The following PTGER4 variants were observed in gnomAD, a reference collection of about 807,000 sequenced individuals.
PTGER4 encodes prostaglandin E2 receptor EP4 subtype.
A neutral mutation model predicts 33.2 loss-of-function variants in PTGER4; 11 were observed. That is an observed-to-expected ratio of 0.33 (90% CI 0.21 to 0.55). PTGER4 has a LOEUF of 0.55. Ranked by LOEUF, PTGER4 falls within the 20% of genes least tolerant of loss-of-function variation. The pLI, the probability that PTGER4 is intolerant of heterozygous loss-of-function variation, is 0.92. For synonymous variants in PTGER4, 275 were observed against 281.5 expected, an observed-to-expected ratio of 0.98 and a Z score of 0.23; for missense variants, 481 against 650.2, an observed-to-expected ratio of 0.74 and a Z score of 2.83.
chr5:40,722,656 G>GT, the PTGER4 span, among the ~76,000 whole-genome samples: 1 of 151,286 alleles, frequency 6.6e-6, no homozygotes, highest in Non-Finnish European at 1.5e-5. Flanking sequence ...GAAGTGAGGC[G>GT]TGTCTCCGCC....
chr5:40,690,875 C>T (rs191726056), intron 2 of PTGER4, among the ~76,000 whole-genome samples: 406 of 152,252 alleles, frequency 2.7e-3, no homozygotes, highest in African/African-American at 9.3e-3. Flanking sequence ...CTCAAGAACA[C>T]TTTATACATA....
chr5:40,710,381 C>T, the PTGER4 span, among the ~76,000 whole-genome samples: 2 of 152,158 alleles, frequency 1.3e-5, no homozygotes, highest in East Asian at 3.8e-4. Context: ...AGTGAGATAC[C>T]ATCTAACACC....
downstream of PTGER4, among the ~76,000 whole-genome samples, chr5:40,697,551 C>T (rs1031396608): frequency 7.1e-6 from 1 of 139,900 alleles, no homozygotes; most frequent in African/African-American, 2.6e-5. Context: ...TGCCATTGCA[C>T]TCTAGCCTGG....
chr5:40,707,481 C>A, the PTGER4 span, among the ~76,000 whole-genome samples: 1 of 152,180 alleles, frequency 6.6e-6, no homozygotes, highest in African/African-American at 2.4e-5. Flanking sequence ...AAAGAGCTAA[C>A]TATCCTAAAT....
chr5:40,694,693 T>TCA (rs1427806275), downstream of PTGER4, among the ~76,000 whole-genome samples: 11 of 152,288 alleles, frequency 7.2e-5, no homozygotes, highest in African/African-American at 2.4e-4. Flanking sequence ...CCTTAATTAC[T>TCA]CTCTTAAAGG....
chr5:40,717,897 C>T, the PTGER4 span, among the ~76,000 whole-genome samples: 2 of 151,964 alleles, frequency 1.3e-5, no homozygotes, highest in Non-Finnish European at 2.9e-5. Flanking sequence ...CCCGTCTCTA[C>T]TAAAAATACA....
At chr5:40,710,030 T>A in the PTGER4 span, among the ~76,000 whole-genome samples, 1 of 152,116 alleles carries the variant, frequency 6.6e-6, no homozygotes, top group South Asian at 2.1e-4. Context: ...GGACTTCATG[T>A]CTAAAACACC....
At chr5:40,738,237 C>A in the PTGER4 span, among the ~76,000 whole-genome samples, 15 of 151,842 alleles carry the variant, frequency 9.9e-5, no homozygotes, top group African/African-American at 3.6e-4. Context: ...GACGGTGAAA[C>A]CCTGTCTCTA....
the PTGER4 span, chr5:40,714,935 T>C: frequency 2.0e-5 from 3 of 152,136 alleles, no homozygotes; most frequent in Non-Finnish European, 4.4e-5. Flanking sequence ...TTCTATATTA[T>C]TGTACTACAA....
At chr5:40,687,769 T>G (rs955890463) in intron 2 of PTGER4, among the ~76,000 whole-genome samples, 1 of 152,230 alleles carries the variant, frequency 6.6e-6, no homozygotes, top group Non-Finnish European at 1.5e-5. Context: ...CTTTTTAAAC[T>G]CATACTTTTA....
chr5:40,743,870 T>C, the PTGER4 span, among the ~76,000 whole-genome samples: 52,163 of 152,190 alleles, frequency 0.34, 10,050 homozygotes, highest in Admixed American at 0.45. Context: ...TGTTATAGTG[T>C]TCTCCATCCA....
rs1006251317 is a variant in PTGER4 at position 40,691,114 on chromosome 5, G to A, written c.868-665G>A. On this transcript the variant is annotated intron_variant, in intron 2 of 2. Coordinates refer to ENST00000302472, the MANE Select transcript of PTGER4 (RefSeq NM_000958.3). This position sits in a 1 kb window ranked among gnomAD's most constrained non-coding sequence, Gnocchi z 4.2. ...CAGCTCACTGCAACCTCCACCCGCC[G>A]CATTCAAGCCATTCTCCTGCCTCAC... Among the ~76,000 whole-genome samples the A allele has an allele frequency of 6.6e-6, 1 of 151,794 alleles. No individual in the cohort carries two copies. The highest frequency in any genetic ancestry group is 1.5e-5 in the Non-Finnish European group (1 of 67,950).
At position 40,693,730 on chromosome 5, in the gene PTGER4, A is replaced by G. The variant is rs1741526761; in HGVS notation, c.*1352A>G. The stretch of plus-strand genomic sequence containing the variant: ...TTTGGAGATTATAATAAATATATAC[A>G]TTCAATCTGAGTTGCATATCCTCAG... On this transcript the variant is annotated 3_prime_UTR_variant, in exon 3 of 3. Transcript: ENST00000302472. 2.0e-6 allele frequency: 2 copies of G among 979,132 alleles called. No homozygotes were observed. Among genetic ancestry groups the G allele is most frequent in the Middle Eastern group, 1.0e-3 (2 of 1,922 alleles). 60.7% of individuals were successfully genotyped at this position (979,132 alleles called of 1,614,324 possible).
chr5:40,695,144 C>T (rs1157471884), downstream of PTGER4, among the ~76,000 whole-genome samples: 1 of 152,200 alleles, frequency 6.6e-6, no homozygotes, highest in African/African-American at 2.4e-5. Flanking sequence ...GGTACAGTGG[C>T]TCACACCTGT....
chr5:40,685,482 G>C, intron 2 of PTGER4: 1 of 984,064 alleles, frequency 1.0e-6, no homozygotes. Context: ...CCACAAATTT[G>C]GGTATGACTA....
chr5:40,731,384 G>T, the PTGER4 span, among the ~76,000 whole-genome samples: 1 of 151,448 alleles, frequency 6.6e-6, no homozygotes, highest in Non-Finnish European at 1.5e-5. Flanking sequence ...ACACACATCT[G>T]TATTAGTTCA....
At chr5:40,738,216 A>AGGCT in the PTGER4 span, among the ~76,000 whole-genome samples, 2 of 152,000 alleles carry the variant, frequency 1.3e-5, no homozygotes, top group Non-Finnish European at 2.9e-5. Context: ...GTTTGAGATC[A>AGGCT]GGCTGGCCAA....
the PTGER4 span, among the ~76,000 whole-genome samples, chr5:40,726,999 G>A: frequency 6.6e-6 from 1 of 152,050 alleles, no homozygotes; most frequent in Non-Finnish European, 1.5e-5. Flanking sequence ...GGTTAAAATG[G>A]TTTCTATCAC....
chr5:40,709,557 T>C, the PTGER4 span, among the ~76,000 whole-genome samples: 16 of 152,308 alleles, frequency 1.1e-4, no homozygotes, highest in African/African-American at 3.6e-4. Flanking sequence ...TGGAAGAACA[T>C]TCCATGCTCA....
Sources: gnomAD v4.1 joint callset for allele counts (sites outside exome capture counted in the v4.1 genomes callset) on GRCh38, gnomAD v4.1.1 for gene constraint, Gnocchi (gnomAD v3.1) non-coding constraint, MANE v1.5 for transcripts, NCBI Gene and HGNC (gene_info 2026-07-23, HGNC 2026-07-21) for gene names.